Variants in GRM5 observed in about 807,000 individuals in gnomAD.
The protein encoded by GRM5 is metabotropic glutamate receptor 5.
Under a neutral mutation model 83.1 loss-of-function variants are expected in GRM5, and 19 were observed. That is an observed-to-expected ratio of 0.23 (90% CI 0.16 to 0.34). The LOEUF (loss-of-function observed/expected upper bound fraction) is 0.34. Ranked by LOEUF, GRM5 falls within the 10% of genes least tolerant of loss-of-function variation. The probability of loss-of-function intolerance (pLI) is 1.00; values close to 1 mark genes in which losing one functional copy is unlikely to be tolerated. For missense variants in GRM5, 1,160 were observed against 1,588.3 expected (o/e 0.73, Z 4.58); for synonymous variants, 675 against 633.6 (o/e 1.07, Z -0.98).
In GRM5 at chr11:89,047,073, T is replaced by C; in HGVS notation, c.661+139A>G. The C allele has an allele frequency of 3.1e-6, 2 of 651,960 alleles. No homozygotes were observed. The highest frequency in any genetic ancestry group is 4.1e-5 in the South Asian group (2 of 49,328). The allele number at this position is 651,960 out of a possible 1,614,324, so 40.4% of individuals were successfully genotyped here. On this transcript the variant is annotated intron_variant, in intron 2 of 9. Coordinates refer to ENST00000305447, the MANE Select transcript of GRM5 (RefSeq NM_001143831.3). This position sits in a 1 kb window ranked among gnomAD's most constrained non-coding sequence, Gnocchi z 5.1. ...GTCTCTCTAGATATATGCCATCCAG[T>C]CTGTTCTTATAGTACTGGTATAACT...
intron 2 of GRM5, among the ~76,000 whole-genome samples, chr11:88,950,798 G>T (rs2135678655): frequency 6.6e-6 from 1 of 152,272 alleles, no homozygotes; most frequent in East Asian, 1.9e-4. Context: ...CAGTTTTATT[G>T]TTATCATTGA....
intron 3 of GRM5, among the ~76,000 whole-genome samples, chr11:88,713,357 G>A (rs1236580090): frequency 6.6e-6 from 1 of 151,956 alleles, no homozygotes; most frequent in East Asian, 1.9e-4. Flanking sequence ...TCCATCATGT[G>A]TAAAATATGG....
intron 2 of GRM5, among the ~76,000 whole-genome samples, chr11:88,956,178 G>T (rs71469228): frequency 0.025 from 3,830 of 152,104 alleles, 59 homozygotes; most frequent in Middle Eastern, 0.061. Flanking sequence ...AAATTTTGTC[G>T]GAATAAATAA....
chr11:88,576,628 C>T (rs917727264), intron 7 of GRM5, among the ~76,000 whole-genome samples: 29 of 152,102 alleles, frequency 1.9e-4, no homozygotes, highest in African/African-American at 7.0e-4. Flanking sequence ...ACAGACTTAT[C>T]TTATCTATAA....
chr11:88,780,066 T>G (rs1942943433), intron 3 of GRM5, among the ~76,000 whole-genome samples: 1 of 152,212 alleles, frequency 6.6e-6, no homozygotes, highest in African/African-American at 2.4e-5. Context: ...TCAACTCTTC[T>G]GCAGAATCCC....
intron 2 of GRM5, among the ~76,000 whole-genome samples, chr11:88,928,907 T>TATACACAC (rs369951090): frequency 0.013 from 1,792 of 138,728 alleles, 23 homozygotes; most frequent in Middle Eastern, 0.025. Context: ...TATGTGTATA[T>TATACACAC]ACACACACAC....
chr11:88,687,529 CAT>C (rs1191872301), intron 3 of GRM5, among the ~76,000 whole-genome samples: 13 of 22,226 alleles, frequency 5.8e-4, no homozygotes, highest in South Asian at 3.1e-3. Flanking sequence ...CACACACATA[CAT>C]ATATATACAC....
intron 4 of GRM5, among the ~76,000 whole-genome samples, chr11:88,635,699 T>G (rs190006176): frequency 3.0e-4 from 45 of 152,340 alleles, no homozygotes; most frequent in Non-Finnish European, 4.3e-4. Flanking sequence ...TTAAATTCCT[T>G]GTCTATTTTT....
intron 8 of GRM5, among the ~76,000 whole-genome samples, chr11:88,534,310 G>A (rs1942084948): frequency 1.3e-5 from 2 of 152,234 alleles, no homozygotes; most frequent in Non-Finnish European, 2.9e-5. Flanking sequence ...ACACCAGCCT[G>A]TGAAAGCAGC....
chr11:88,796,894 A>G (rs544994563), intron 3 of GRM5, among the ~76,000 whole-genome samples: 1 of 97,762 alleles, frequency 1.0e-5, no homozygotes, highest in East Asian at 2.9e-4. Flanking sequence ...GTACACACAC[A>G]CACACGTGTG....
At chr11:88,616,495 G>A (rs11020652) in intron 4 of GRM5, among the ~76,000 whole-genome samples, 1,642 of 151,332 alleles carry the variant, frequency 0.011, 8 homozygotes, top group Non-Finnish European at 0.016. Context: ...GTGGAAAAAG[G>A]GGGAAACACA....
chr11:88,990,465 T>G (rs759142767), intron 2 of GRM5, among the ~76,000 whole-genome samples: 17 of 151,276 alleles, frequency 1.1e-4, no homozygotes, highest in Admixed American at 4.0e-4. Context: ...CCTTCTGAAA[T>G]TATTCCAATC....
chr11:88,876,550 G>T (rs1944856310), intron 2 of GRM5, among the ~76,000 whole-genome samples: 1 of 152,028 alleles, frequency 6.6e-6, no homozygotes, highest in African/African-American at 2.4e-5. Context: ...GGCCTAGACT[G>T]GTTAGTGTAT....
intron 2 of GRM5, among the ~76,000 whole-genome samples, chr11:88,948,201 A>G (rs1565305332): frequency 1.3e-5 from 2 of 152,206 alleles, no homozygotes; most frequent in Admixed American, 1.3e-4. Flanking sequence ...CTGTATGTTA[A>G]TTGAAAACTA....
intron 4 of GRM5, among the ~76,000 whole-genome samples, chr11:88,623,641 C>T (rs185995882): frequency 2.9e-4 from 44 of 152,266 alleles, no homozygotes; most frequent in African/African-American, 1.1e-3. Context: ...GGAATGTAAC[C>T]CAGGCTCAGT....
At chr11:88,563,192 A>G (rs891360312) in intron 8 of GRM5, among the ~76,000 whole-genome samples, 5 of 152,184 alleles carry the variant, frequency 3.3e-5, no homozygotes, top group African/African-American at 1.2e-4. Context: ...TTACTACTCA[A>G]AATAGGAATT....
At chr11:89,007,429 T>C (rs1294135779) in intron 2 of GRM5, among the ~76,000 whole-genome samples, 1 of 152,226 alleles carries the variant, frequency 6.6e-6, no homozygotes. Flanking sequence ...AATCCAGTGA[T>C]TGGTCACATT....
intron 8 of GRM5, among the ~76,000 whole-genome samples, chr11:88,533,421 G>C (rs1468255986): frequency 6.6e-5 from 10 of 152,150 alleles, no homozygotes; most frequent in African/African-American, 2.4e-4. Context: ...CATCCTGCCA[G>C]ACCACCCTAT....
intron 9 of GRM5, among the ~76,000 whole-genome samples, chr11:88,523,630 C>T (rs1941766513): frequency 6.6e-6 from 1 of 152,110 alleles, no homozygotes; most frequent in Non-Finnish European, 1.5e-5. Flanking sequence ...CACATATATG[C>T]CTACACATGT....
Sources: gnomAD v4.1 joint callset for allele counts (sites outside exome capture counted in the v4.1 genomes callset) on GRCh38, gnomAD v4.1.1 for gene constraint, Gnocchi (gnomAD v3.1) non-coding constraint, MANE v1.5 for transcripts, NCBI Gene and HGNC (gene_info 2026-07-23, HGNC 2026-07-21) for gene names.